Variants in SRC observed in about 807,000 individuals in gnomAD.
SRC encodes the protein SRC proto-oncogene, non-receptor tyrosine kinase, also known as proto-oncogene tyrosine-protein kinase Src.
Under a neutral mutation model 62.9 loss-of-function variants are expected in SRC, and 13 were observed. The ratio of observed to expected loss-of-function variants is 0.21; its 90% CI spans 0.13 to 0.33. The LOEUF (loss-of-function observed/expected upper bound fraction) is 0.33, where lower values mean the gene tolerates loss of function less well. Ranked by LOEUF, SRC falls within the 10% of genes least tolerant of loss-of-function variation. The pLI, the probability that SRC is intolerant of heterozygous loss-of-function variation, is 1.00. For missense variants in SRC, 457 were observed against 737.3 expected (o/e 0.62, Z 4.40); for synonymous variants, 302 against 317.5 (o/e 0.95, Z 0.52).
In SRC at chr20:37,383,739, C is replaced by CT. The variant is rs888134456; in HGVS notation, c.-4-401dup. On this transcript the variant is annotated intron_variant, in intron 3 of 13. Transcript: ENST00000373578. ...TGTCCCCCATTTTTTTCTTTTCTTTCTTTTTTTTTTGAGACAGAGTATTCC... is the reference window on the plus strand; with the variant it reads ...TGTCCCCCATTTTTTTCTTTTCTTTCTTTTTTTTTTTGAGACAGAGTATTCC... 835 of 160,846 alleles carry CT rather than the reference C, an allele frequency of 5.2e-3. 6 individuals are homozygous for CT. The highest frequency in any genetic ancestry group is 0.015 in the African/African-American group (593 of 40,890). 10.0% of individuals were successfully genotyped at this position (160,846 alleles called of 1,614,324 possible). A position where few individuals can be genotyped will look rare whatever the true frequency, so the allele number is the denominator to read the frequency against.
chr20:37,373,408 CATATATACGCATATATGCGT>C (rs2070224254), intron 2 of SRC, among the ~76,000 whole-genome samples: 2 of 142,904 alleles, frequency 1.4e-5, no homozygotes, highest in Non-Finnish European at 3.0e-5. Flanking sequence ...TATATATACG[CATATATACGCATATATGCGT>C]GTATATACGC....
intron 1 of SRC, among the ~76,000 whole-genome samples, chr20:37,363,287 C>T (rs1307506092): frequency 1.3e-5 from 2 of 152,206 alleles, no homozygotes; most frequent in African/African-American, 4.8e-5. Flanking sequence ...GGGTCTTCCC[C>T]GGGCCCCCTC....
Position 37,384,550 on chromosome 20 carries a change from T to TGGGGGGGGGG in SRC, c.250+154_250+155insGGGGGGGGGG. On this transcript the variant is annotated intron_variant, in intron 4 of 13. Coordinates refer to ENST00000373578, the MANE Select transcript of SRC (RefSeq NM_198291.3). The surrounding 1 kb of genome is among the most constrained non-coding windows in gnomAD (Gnocchi z 6.7). ...CTGGGTGACTTGGGTGTCCGGGGGG[T>TGGGGGGGGGG]GGGGGGGCGGCCGTACACACTGTGA... is the stretch of plus-strand genomic sequence containing the variant. 2 of 162,724 alleles carry TGGGGGGGGGG rather than the reference T, an allele frequency of 1.2e-5. No homozygotes were observed. The highest frequency in any genetic ancestry group is 1.8e-5 in the Non-Finnish European group (2 of 111,874). The allele number at this position is 162,724 out of a possible 1,614,324, so 10.1% of individuals were successfully genotyped here. A position where few individuals can be genotyped will look rare whatever the true frequency, so the allele number is the denominator to read the frequency against.
rs745612156 is a variant in SRC at position 37,402,794 on chromosome 20, A to G, written c.1316A>G (p.Tyr439Cys). Residue 439 changes from tyrosine to cysteine, a missense_variant, in exon 13 of 14, where the codon TAT (tyrosine) becomes TGT (cysteine). By Grantham distance (194) the Tyr-to-Cys change is radical. Transcript: ENST00000373578. The surrounding 1 kb of genome is among the most constrained non-coding windows in gnomAD (Gnocchi z 6.2). ...IKWTAPEAAL[Y>C]GRFTIKSDVW... ...TGGACGGCTCCAGAAGCTGCCCTCT[A>G]TGGCCGCTTCACCATCAAGTCGGAC... 2 of 1,613,790 alleles carry G rather than the reference A, an allele frequency of 1.2e-6. No homozygotes were observed. The highest frequency in any genetic ancestry group is 1.7e-6 in the Non-Finnish European group (2 of 1,179,944).
chr20:37,356,024 CAG>C (rs2069877638), intron 1 of SRC, among the ~76,000 whole-genome samples: 1 of 152,148 alleles, frequency 6.6e-6, no homozygotes. Flanking sequence ...AGACCGGCCT[CAG>C]AGGCTCAATT....
At chr20:37,356,225 G>A (rs1231609215) in intron 1 of SRC, among the ~76,000 whole-genome samples, 1 of 152,158 alleles carries the variant, frequency 6.6e-6, no homozygotes, top group African/African-American at 2.4e-5. Flanking sequence ...GCTTGACAAA[G>A]GGCCTGAAGG....
intron 1 of SRC, among the ~76,000 whole-genome samples, chr20:37,347,451 C>T (rs1305000796): frequency 6.6e-6 from 1 of 152,210 alleles, no homozygotes; most frequent in Non-Finnish European, 1.5e-5. Context: ...AGATTCTAAG[C>T]GCTTCTGCAG....
chr20:37,390,162 T>G (rs2070523656), intron 5 of SRC, among the ~76,000 whole-genome samples: 1 of 152,100 alleles, frequency 6.6e-6, no homozygotes, highest in Admixed American at 6.6e-5. Flanking sequence ...GCAAGGGAGA[T>G]TCTGTGAATG....
chr20:37,373,249 C>T (rs111220187), intron 2 of SRC, among the ~76,000 whole-genome samples: 4,324 of 90,084 alleles, frequency 0.048, 115 homozygotes, highest in Admixed American at 0.1. Context: ...TATGTACACA[C>T]GCACACACAT....
chr20:37,389,225 C>T (rs2070507014), intron 5 of SRC, among the ~76,000 whole-genome samples: 1 of 152,148 alleles, frequency 6.6e-6, no homozygotes, highest in African/African-American at 2.4e-5. Flanking sequence ...CCTCAAGCTC[C>T]CTCATCTGAC....
chr20:37,377,377 C>T (rs6018148), intron 2 of SRC, among the ~76,000 whole-genome samples: 39,182 of 152,106 alleles, frequency 0.26, 6,372 homozygotes, highest in African/African-American at 0.47. Context: ...GACTCGAACC[C>T]AGGTTTGACT....
At chr20:37,377,962 G>A (rs1010319024) in intron 2 of SRC, among the ~76,000 whole-genome samples, 2 of 151,868 alleles carry the variant, frequency 1.3e-5, no homozygotes, top group African/African-American at 4.8e-5. Flanking sequence ...CATACATTGT[G>A]TAATAATCAC....
intron 1 of SRC, among the ~76,000 whole-genome samples, chr20:37,364,821 C>T (rs1267885401): frequency 6.6e-6 from 1 of 152,220 alleles, no homozygotes; most frequent in Non-Finnish European, 1.5e-5. Context: ...GAGTGCACCA[C>T]TGAGTGGCTG....
At chr20:37,376,003 T>C (rs73297398) in intron 2 of SRC, among the ~76,000 whole-genome samples, 8,238 of 152,272 alleles carry the variant, frequency 0.054, 528 homozygotes, top group East Asian at 0.18. Flanking sequence ...TTATGACTTA[T>C]GTAAACCTAA....
chr20:37,380,491 A>G (rs1159971245), intron 2 of SRC, among the ~76,000 whole-genome samples: 1 of 152,246 alleles, frequency 6.6e-6, no homozygotes, highest in African/African-American at 2.4e-5. Context: ...AAGTACTTAG[A>G]GCAAGGTCCA....
At chr20:37,373,435 A>G (rs550012137) in intron 2 of SRC, among the ~76,000 whole-genome samples, 67 of 96,754 alleles carry the variant, frequency 6.9e-4, no homozygotes, top group African/African-American at 4.8e-3. Context: ...GCGTGTATAT[A>G]CGCATATATA....
intron 5 of SRC, chr20:37,386,499 G>A (rs573655353): frequency 2.0e-5 from 14 of 713,392 alleles, no homozygotes; most frequent in South Asian, 1.2e-4. Flanking sequence ...CTCCGTGGGC[G>A]GCGGGCTGGG....
intron 9 of SRC, among the ~76,000 whole-genome samples, 189 bp from the exon 10 acceptor site, chr20:37,399,926 C>G (rs1229080930): frequency 6.6e-6 from 1 of 152,232 alleles, no homozygotes; most frequent in African/African-American, 2.4e-5. Flanking sequence ...CCATGAGGAG[C>G]ACCCTGTCAT....
At chr20:37,356,579 G>C (rs756721235) in intron 1 of SRC, among the ~76,000 whole-genome samples, 1 of 152,136 alleles carries the variant, frequency 6.6e-6, no homozygotes, top group Non-Finnish European at 1.5e-5. Context: ...TCCTTTCCTC[G>C]AAGACGCCTG....
Sources: gnomAD v4.1 joint callset for allele counts (sites outside exome capture counted in the v4.1 genomes callset) on GRCh38, gnomAD v4.1.1 for gene constraint, Gnocchi (gnomAD v3.1) non-coding constraint, MANE v1.5 for transcripts, NCBI Gene and HGNC (gene_info 2026-07-23, HGNC 2026-07-21) for gene names.